Variants in FRMD4A observed in about 807,000 individuals in gnomAD.
The protein encoded by FRMD4A is FERM domain-containing protein 4A.
FRMD4A carries 29 observed loss-of-function variants against 129.1 expected under a neutral mutation model. The ratio of observed to expected loss-of-function variants is 0.22; its 90% CI spans 0.17 to 0.31. The LOEUF is 0.31. Ranked by LOEUF, FRMD4A falls within the 10% of genes least tolerant of loss-of-function variation. The pLI is 1.00. For missense variants in FRMD4A, 1,272 were observed against 1,375.8 expected (o/e 0.92, Z 1.19); for synonymous variants, 634 against 571.6 (o/e 1.11, Z -1.56).
intron 2 of FRMD4A, among the ~76,000 whole-genome samples, chr10:13,885,058 G>A (rs560838549): frequency 6.6e-6 from 1 of 152,298 alleles, no homozygotes; most frequent in East Asian, 1.9e-4. Context: ...AGGTTGGAGA[G>A]GGGGAAATGC....
At chr10:14,119,782 G>A (rs1440886264) in intron 2 of FRMD4A, among the ~76,000 whole-genome samples, 2 of 152,202 alleles carry the variant, frequency 1.3e-5, no homozygotes, top group African/African-American at 4.8e-5. Flanking sequence ...TAGAGGAGAT[G>A]TGATTTCCAG....
At chr10:14,257,321 A>C (rs1161073482) in intron 2 of FRMD4A, among the ~76,000 whole-genome samples, 1 of 152,214 alleles carries the variant, frequency 6.6e-6, no homozygotes, top group Non-Finnish European at 1.5e-5. Flanking sequence ...ACAGAGCAAG[A>C]CCCTGTCTCA....
At chr10:13,654,358 G>A in intron 23 of FRMD4A, 58 bp downstream of exon 23, 1 of 1,085,146 alleles carries the variant, frequency 9.2e-7, no homozygotes, top group African/African-American at 1.6e-5. Context: ...ACCAGGATCT[G>A]AACGTCTATG....
intron 2 of FRMD4A, among the ~76,000 whole-genome samples, chr10:14,321,616 G>A (rs960281423): frequency 6.6e-6 from 1 of 152,174 alleles, no homozygotes; most frequent in Non-Finnish European, 1.5e-5. Flanking sequence ...GCCTTATCCT[G>A]TGTAAAATCA....
At chr10:13,894,554 G>C (rs1547834) in intron 2 of FRMD4A, among the ~76,000 whole-genome samples, 3 of 151,994 alleles carry the variant, frequency 2.0e-5, no homozygotes. Flanking sequence ...TCACTGCTCT[G>C]CTTAAAGACT....
chr10:14,295,178 A>G (rs1245333219), intron 2 of FRMD4A, among the ~76,000 whole-genome samples: 4 of 152,000 alleles, frequency 2.6e-5, no homozygotes, highest in African/African-American at 9.7e-5. Flanking sequence ...CTTCCAGATT[A>G]CCCCAGTGGG....
chr10:13,993,642 A>C (rs1392226721), intron 2 of FRMD4A, among the ~76,000 whole-genome samples: 1 of 152,194 alleles, frequency 6.6e-6, no homozygotes, highest in Non-Finnish European at 1.5e-5. Context: ...AATGTTGCTG[A>C]TGATATTAAT....
intron 3 of FRMD4A, among the ~76,000 whole-genome samples, chr10:13,822,143 T>C (rs779736418): frequency 2.0e-4 from 31 of 152,226 alleles, no homozygotes; most frequent in Non-Finnish European, 3.4e-4. Context: ...TTTTCATGTA[T>C]ATGCACATGT....
At chr10:14,229,254 G>T (rs1025900595) in intron 2 of FRMD4A, among the ~76,000 whole-genome samples, 1 of 151,948 alleles carries the variant, frequency 6.6e-6, no homozygotes, top group African/African-American at 2.4e-5. Flanking sequence ...TCTAATAGAG[G>T]TAATAAAATA....
At chr10:14,096,215 G>C (rs1430379760) in intron 2 of FRMD4A, among the ~76,000 whole-genome samples, 3 of 152,194 alleles carry the variant, frequency 2.0e-5, no homozygotes, top group Admixed American at 6.5e-5. Flanking sequence ...GAGGGAACCT[G>C]TTTGTCCCTT....
At chr10:13,731,938 G>T (rs1050543726) in intron 12 of FRMD4A, among the ~76,000 whole-genome samples, 1 of 152,094 alleles carries the variant, frequency 6.6e-6, no homozygotes, top group Non-Finnish European at 1.5e-5. Context: ...CAGTCTGCAG[G>T]GTGTCCCCAC....
At chr10:13,670,801 C>T (rs912253552) in intron 16 of FRMD4A, among the ~76,000 whole-genome samples, 2 of 152,214 alleles carry the variant, frequency 1.3e-5, no homozygotes, top group African/African-American at 4.8e-5. Flanking sequence ...TGCCATTTGA[C>T]TTTCATTATA....
At chr10:13,779,518 AC>A (rs1406488217) in intron 6 of FRMD4A, among the ~76,000 whole-genome samples, 1 of 152,064 alleles carries the variant, frequency 6.6e-6, no homozygotes, top group Non-Finnish European at 1.5e-5. Context: ...ACTAATCCTC[AC>A]ACTTCAGGAC....
chr10:14,267,114 T>G (rs755500889), intron 2 of FRMD4A, among the ~76,000 whole-genome samples: 2 of 152,226 alleles, frequency 1.3e-5, no homozygotes, highest in Non-Finnish European at 2.9e-5. Context: ...ATAATGGGCC[T>G]GAATTCTACA....
intron 2 of FRMD4A, among the ~76,000 whole-genome samples, chr10:14,078,634 C>A (rs573067942): frequency 6.6e-6 from 1 of 152,164 alleles, no homozygotes; most frequent in Non-Finnish European, 1.5e-5. Flanking sequence ...GTGAGCCTCA[C>A]AACAATTTTA....
intron 2 of FRMD4A, among the ~76,000 whole-genome samples, chr10:14,205,071 T>G (rs866587809): frequency 6.6e-6 from 1 of 151,110 alleles, no homozygotes; most frequent in South Asian, 2.1e-4. Context: ...CTTTTTTTTT[T>G]TTTTTGCTAT....
intron 6 of FRMD4A, among the ~76,000 whole-genome samples, chr10:13,767,218 C>A (rs1301561823): frequency 1.3e-5 from 2 of 152,130 alleles, no homozygotes; most frequent in East Asian, 3.9e-4. Context: ...TATCTGACTT[C>A]TCCAGTGGTC....
chr10:14,057,938 A>T (rs903592651), intron 2 of FRMD4A, among the ~76,000 whole-genome samples: 41 of 152,232 alleles, frequency 2.7e-4, no homozygotes, highest in African/African-American at 9.6e-4. Context: ...TGTCTGCGTC[A>T]GTGGACAAGA....
Position 14,125,722 on chromosome 10 carries a change from GAC to G in FRMD4A, c.45+204334_45+204335del, listed in dbSNP as rs113478975. 7.1e-3 allele frequency among the ~76,000 whole-genome samples: 1,064 copies of G among 148,880 alleles called. 6 individuals carry two copies. The highest frequency in any genetic ancestry group is 0.011 in the Non-Finnish European group (757 of 67,132). ...CCAGTCTCTCTCTCTCTCACACACA[GAC>G]ACACACACACACACACGTGCACACT... On this transcript the variant is annotated intron_variant, in intron 2 of 24. Coordinates refer to ENST00000357447, the MANE Select transcript of FRMD4A (RefSeq NM_018027.5).
Sources: allele counts gnomAD v4.1 joint callset (sites outside exome capture counted in the v4.1 genomes callset), GRCh38; gene constraint gnomAD v4.1.1; transcripts MANE v1.5; gene names NCBI Gene and HGNC (gene_info 2026-07-23, HGNC 2026-07-21).